FYB1: variants seen among roughly 807,000 people sequenced by gnomAD.
The protein encoded by FYB1 is FYN-binding protein 1.
In FYB1, 41 loss-of-function variants were observed where a neutral mutation model predicts 94.1. The observed-to-expected ratio is 0.44, with a 90% CI of 0.34 to 0.57. FYB1 has a LOEUF of 0.57. Among genes scored for constraint, FYB1 ranks in the 20% least tolerant of loss-of-function variants. FYB1 has a pLI of 0.02. For synonymous variants in FYB1, 367 were observed against 353.2 expected (o/e 1.04, Z -0.44); for missense variants, 1,050 against 976.8 (o/e 1.07, Z -1.00).
intron 2 of FYB1, among the ~76,000 whole-genome samples, chr5:39,196,468 T>C (rs1747849201): frequency 6.6e-6 from 1 of 152,194 alleles, no homozygotes; most frequent in Non-Finnish European, 1.5e-5. Context: ...GTGCTGGGAT[T>C]ACAGGCATGA....
rs1760374902 is a variant in FYB1, at chr5:39,106,349, C to T, written c.*1094G>A. The T allele has an allele frequency of 6.6e-6, 1 of 152,060 alleles. No individual in the cohort carries two copies. Among genetic ancestry groups the T allele is most frequent in the Non-Finnish European group, 1.5e-5 (1 of 67,978 alleles). 9.4% of individuals were successfully genotyped at this position (152,060 alleles called of 1,614,324 possible). ...AATATCTTCTTTTCTTGGGTGTTAG[C>T]ATTTTTCATTTTTTAAATCATGCTA... On this transcript the variant is annotated 3_prime_UTR_variant, in exon 19 of 19. Transcript: ENST00000512982.
chr5:39,138,744 A>T (rs1741882321), intron 5 of FYB1, 53 bp from the exon 6 acceptor site: 1 of 1,014,550 alleles, frequency 9.9e-7, no homozygotes, highest in Non-Finnish European at 1.5e-6. Context: ...AAAAGTTGAC[A>T]CACATATTAC....
intron 12 of FYB1, 177 bp from the exon 13 acceptor site, chr5:39,124,455 A>G: frequency 2.0e-6 from 1 of 492,140 alleles, no homozygotes; most frequent in Non-Finnish European, 3.6e-6. Context: ...TCTGTTTATC[A>G]ATTTGGAACT....
chr5:39,188,692 C>T (rs1005931603), intron 2 of FYB1, among the ~76,000 whole-genome samples: 2 of 152,068 alleles, frequency 1.3e-5, no homozygotes, highest in East Asian at 1.9e-4. Context: ...CCACCACGCC[C>T]GGCTAATTTT....
At chr5:39,127,888 C>A (rs948463874) in intron 10 of FYB1, 81 bp from the exon 11 acceptor site, 1 of 1,339,888 alleles carries the variant, frequency 7.5e-7, no homozygotes, top group Admixed American at 2.8e-5. Flanking sequence ...AATTGTAAAT[C>A]TTCCTTATTT....
chr5:39,159,423 CT>C (rs1383002248), intron 2 of FYB1, among the ~76,000 whole-genome samples: 8 of 152,174 alleles, frequency 5.3e-5, no homozygotes, highest in Non-Finnish European at 8.8e-5. Context: ...AATGGAATCT[CT>C]TATGGTTGCA....
At chr5:39,124,448 GT>G (rs1376824798) in intron 12 of FYB1, 170 bp from the exon 13 acceptor site, 1 of 489,540 alleles carries the variant, frequency 2.0e-6, no homozygotes, top group Non-Finnish European at 3.7e-6. Flanking sequence ...GTCCATTTCT[GT>G]TTATCAATTT....
chr5:39,217,313 G>T (rs1331682808), intron 1 of FYB1, among the ~76,000 whole-genome samples: 1 of 152,128 alleles, frequency 6.6e-6, no homozygotes, highest in South Asian at 2.1e-4. Flanking sequence ...GCGAACCAAG[G>T]TCCTTCATTT....
At chr5:39,172,169 G>A (rs1020831510) in intron 2 of FYB1, among the ~76,000 whole-genome samples, 10 of 152,144 alleles carry the variant, frequency 6.6e-5, no homozygotes, top group Admixed American at 1.3e-4. Context: ...ATTTTGGCCG[G>A]GTGTGGTGGC....
At chr5:39,262,138 A>G (rs899306443) in intron 1 of FYB1, among the ~76,000 whole-genome samples, 2 of 152,192 alleles carry the variant, frequency 1.3e-5, no homozygotes, top group African/African-American at 4.8e-5. Context: ...ATAAAGACTT[A>G]TTTTAAAATT....
intron 3 of FYB1, among the ~76,000 whole-genome samples, chr5:39,152,063 T>A (rs1743296914): frequency 1.3e-5 from 2 of 149,440 alleles, no homozygotes; most frequent in Non-Finnish European, 1.5e-5. Flanking sequence ...TGATGGGAGC[T>A]TGAAAGTCTT....
At chr5:39,137,477 A>T in intron 7 of FYB1, 123 bp downstream of exon 7, 1 of 1,141,726 alleles carries the variant, frequency 8.8e-7, no homozygotes, top group Non-Finnish European at 1.2e-6. Context: ...GAAGATAATT[A>T]CTCTTTAGAG....
Position 39,176,386 on chromosome 5 carries a change from G to T in FYB1, c.1136-22782C>A, listed in dbSNP as rs560575397. ...GCTGGTCTCGAACTCCTGACCCCAG[G>T]TGATTCACTCGCTTCGGCCTTCCAA... On this transcript the variant is annotated intron_variant, in intron 2 of 18. Coordinates refer to ENST00000512982, the MANE Select transcript of FYB1 (RefSeq NM_001465.6). Among the ~76,000 whole-genome samples the T allele has an allele frequency of 1.2e-4, 18 of 151,966 alleles. 1 individual carries two copies. The South Asian group carries it at 3.5e-3, about 30-fold the overall frequency.
At chr5:39,233,930 G>A (rs989942606) in intron 1 of FYB1, among the ~76,000 whole-genome samples, 3 of 152,120 alleles carry the variant, frequency 2.0e-5, no homozygotes, top group Admixed American at 1.3e-4. Context: ...TTTTGACATT[G>A]TGCGTTGCCT....
intron 3 of FYB1, among the ~76,000 whole-genome samples, chr5:39,146,033 C>T (rs1164866094): frequency 6.6e-6 from 1 of 152,006 alleles, no homozygotes; most frequent in African/African-American, 2.4e-5. Flanking sequence ...CTGCCTCAGC[C>T]TCCCAGGTAG....
At chr5:39,115,068 A>AG (rs1213155575) in intron 16 of FYB1, among the ~76,000 whole-genome samples, 1 of 151,470 alleles carries the variant, frequency 6.6e-6, no homozygotes, top group African/African-American at 2.4e-5. Flanking sequence ...TCCAAGTTGA[A>AG]TAAAGTAGCA....
At chr5:39,193,908 T>G (rs1364359648) in intron 2 of FYB1, among the ~76,000 whole-genome samples, 1 of 152,190 alleles carries the variant, frequency 6.6e-6, no homozygotes, top group African/African-American at 2.4e-5. Flanking sequence ...ATCGCAATTC[T>G]GAGGGGAAGG....
At chr5:39,176,314 C>A (rs182348065) in intron 2 of FYB1, among the ~76,000 whole-genome samples, 1 of 151,836 alleles carries the variant, frequency 6.6e-6, no homozygotes, top group African/African-American at 2.4e-5. Context: ...CCAGGCCCAG[C>A]TCATTTTTGC....
At chr5:39,164,729 T>G (rs1368826065) in intron 2 of FYB1, among the ~76,000 whole-genome samples, 1 of 152,164 alleles carries the variant, frequency 6.6e-6, no homozygotes, top group African/African-American at 2.4e-5. Flanking sequence ...CTACATTAAT[T>G]TATGACATAC....
Sources: allele counts gnomAD v4.1 joint callset (sites outside exome capture counted in the v4.1 genomes callset), GRCh38; gene constraint gnomAD v4.1.1; transcripts MANE v1.5; gene names NCBI Gene and HGNC (gene_info 2026-07-23, HGNC 2026-07-21).